The following RORA variants were observed in gnomAD, a reference collection of about 807,000 sequenced individuals.
RORA encodes the protein RAR related orphan receptor A, also known as nuclear receptor ROR-alpha.
RORA carries 7 observed loss-of-function variants against 69.5 expected under a neutral mutation model. The ratio of observed to expected loss-of-function variants is 0.10; its 90% CI spans 0.06 to 0.19. RORA has a LOEUF of 0.19. Ranked by LOEUF, RORA falls within the 10% of genes least tolerant of loss-of-function variation. The pLI is 1.00. For missense variants in RORA, 457 were observed against 663.0 expected (o/e 0.69, Z 3.41); for synonymous variants, 261 against 240.8 (o/e 1.08, Z -0.78).
chr15:60,967,682 C>T (rs539065457), intron 1 of RORA, among the ~76,000 whole-genome samples: 7 of 152,306 alleles, frequency 4.6e-5, no homozygotes, highest in Non-Finnish European at 1.0e-4. Context: ...TAAAAATATT[C>T]AGTGAGGTGC....
rs527979547 is a variant in RORA, at chr15:61,169,133, G to A, written c.166+59920C>T. Among the ~76,000 whole-genome samples, 182 of 152,146 alleles carry A rather than the reference G, an allele frequency of 1.2e-3. 1 individual carries two copies. The highest frequency in any genetic ancestry group is 4.3e-3 in the African/African-American group (179 of 41,508). ...AGGGCTGGCCTGACTCCTCTGACTG[G>A]CCCCAGGGATCCCCTAGCATATGCC... On this transcript the variant is annotated intron_variant, in intron 1 of 10. Coordinates refer to ENST00000335670, the MANE Select transcript of RORA (RefSeq NM_134261.3).
intron 1 of RORA, among the ~76,000 whole-genome samples, chr15:60,730,041 A>G (rs1424794794): frequency 6.6e-6 from 1 of 152,200 alleles, no homozygotes; most frequent in Non-Finnish European, 1.5e-5. Context: ...CGCCAGCACA[A>G]ATAAAACCAT....
chr15:60,565,627 G>A (rs2067692441), intron 2 of RORA, among the ~76,000 whole-genome samples: 1 of 152,182 alleles, frequency 6.6e-6, no homozygotes, highest in Non-Finnish European at 1.5e-5. Context: ...GCAGGCAACA[G>A]CAGCTTCCGA....
At chr15:61,145,532 A>G (rs2079338394) in intron 1 of RORA, among the ~76,000 whole-genome samples, 1 of 152,228 alleles carries the variant, frequency 6.6e-6, no homozygotes, top group South Asian at 2.1e-4. Context: ...GTAACCTCAA[A>G]TAAGTGGTAT....
chr15:60,524,773 G>A (rs1012885456), intron 3 of RORA, among the ~76,000 whole-genome samples: 2 of 152,184 alleles, frequency 1.3e-5, no homozygotes, highest in African/African-American at 4.8e-5. Context: ...ACGATATGCT[G>A]AGCACCTGCT....
chr15:60,746,755 C>T (rs917127215), intron 1 of RORA, among the ~76,000 whole-genome samples: 15 of 152,174 alleles, frequency 9.9e-5, no homozygotes, highest in African/African-American at 3.6e-4. Context: ...GATACTTCGT[C>T]TTGCATAGAC....
intron 8 of RORA, 112 bp from the exon 9 acceptor site, chr15:60,501,181 G>T: frequency 1.6e-6 from 1 of 625,568 alleles, no homozygotes; most frequent in Non-Finnish European, 2.9e-6. Flanking sequence ...GGTCTTAGGA[G>T]AAAAACATGG....
chr15:60,543,900 G>T (rs2066986264), intron 2 of RORA, among the ~76,000 whole-genome samples: 1 of 152,112 alleles, frequency 6.6e-6, no homozygotes, highest in South Asian at 2.1e-4. Context: ...TAACACAGAG[G>T]CCTAATGTGA....
chr15:60,744,110 G>A lies in RORA; in HGVS notation c.167-65424C>T, dbSNP rs184688805. 1.3e-4 allele frequency among the ~76,000 whole-genome samples: 19 copies of A among 150,068 alleles called. No individual in the cohort carries two copies. In the East Asian group the frequency reaches 3.7e-3, roughly 29 times the overall value. ...CTTTTTTTTTTTTTGAGAAGGAGGA[G>A]TGATTAAGGCAGCTGTCATATTATG... On this transcript the variant is annotated intron_variant, in intron 1 of 10. Coordinates refer to ENST00000335670, the MANE Select transcript of RORA (RefSeq NM_134261.3).
Position 60,497,464 on chromosome 15 carries a change from A to T in RORA, c.1563T>A (p.Ile521=), listed in dbSNP as rs1342147435. The change falls in exon 11 of 11, where the codon ATT becomes ATA. Residue 521 remains isoleucine, a synonymous_variant. Coordinates refer to ENST00000335670, the MANE Select transcript of RORA (RefSeq NM_134261.3). ...GCTTAGGTGATAACATTTACCCATC[A>T]ATTTGCATTGCTGGCTCAAATTCTG... ...FTSEFEPAMQ[I]DG is the part of the protein sequence containing the mutation. 1 of 1,613,936 alleles carries T rather than the reference A, an allele frequency of 6.2e-7. No homozygotes were observed. The highest frequency in any genetic ancestry group is 2.2e-5 in the East Asian group (1 of 44,860).
At chr15:61,057,265 T>C (rs952320801) in intron 1 of RORA, among the ~76,000 whole-genome samples, 2 of 152,246 alleles carry the variant, frequency 1.3e-5, no homozygotes, top group East Asian at 3.8e-4. Context: ...CACTTCATTA[T>C]ACCTGGCTTT....
intron 1 of RORA, among the ~76,000 whole-genome samples, chr15:60,683,927 C>T (rs1464446761): frequency 6.6e-6 from 1 of 152,096 alleles, no homozygotes; most frequent in African/African-American, 2.4e-5. Context: ...CCATGGTTAT[C>T]AGTAGGGAAG....
Position 60,928,659 on chromosome 15 carries a change from A to ATT in RORA, c.167-249974_167-249973insAA. Among the ~76,000 whole-genome samples the ATT allele has an allele frequency of 2.6e-5, 4 of 152,326 alleles. No homozygotes were observed. In the Middle Eastern group the frequency reaches 0.01, roughly 389 times the overall value. On this transcript the variant is annotated intron_variant, in intron 1 of 10. Coordinates refer to ENST00000335670, the MANE Select transcript of RORA (RefSeq NM_134261.3). Reference sequence around the variant, plus strand: ...TTGTCCAATTCGACTCCCTCATTTCACAAGGAAGGCATCTGAAGCTCAGAG... The same window carrying ATT: ...TTGTCCAATTCGACTCCCTCATTTCATTCAAGGAAGGCATCTGAAGCTCAGAG...
chr15:60,797,456 T>C (rs2072514552), intron 1 of RORA, among the ~76,000 whole-genome samples: 1 of 152,012 alleles, frequency 6.6e-6, no homozygotes, highest in Non-Finnish European at 1.5e-5. Flanking sequence ...TCCTAATAAG[T>C]CCCAAGAAGC....
chr15:60,792,239 A>G (rs2072427955), intron 1 of RORA, among the ~76,000 whole-genome samples: 1 of 152,184 alleles, frequency 6.6e-6, no homozygotes, highest in African/African-American at 2.4e-5. Flanking sequence ...GAATTAATAG[A>G]AAGTATTCAA....
intron 1 of RORA, among the ~76,000 whole-genome samples, chr15:60,873,574 GACA>G: frequency 6.6e-6 from 1 of 152,212 alleles, no homozygotes; most frequent in East Asian, 1.9e-4. Context: ...TAATGAGAAT[GACA>G]ACATTTTATG....
chr15:61,211,615 T>G (rs2079992618), intron 1 of RORA, among the ~76,000 whole-genome samples: 1 of 152,202 alleles, frequency 6.6e-6, no homozygotes, highest in South Asian at 2.1e-4. Context: ...AGTGAAATAT[T>G]GACAGGGAAA....
intron 1 of RORA, among the ~76,000 whole-genome samples, chr15:61,132,086 A>G (rs2079194814): frequency 6.6e-6 from 1 of 152,232 alleles, no homozygotes; most frequent in South Asian, 2.1e-4. Context: ...GTCTTTTAAA[A>G]AAGGAGGAAT....
At chr15:60,761,028 AGGGAGGGGT>A in intron 1 of RORA, among the ~76,000 whole-genome samples, 1 of 152,118 alleles carries the variant, frequency 6.6e-6, no homozygotes, top group South Asian at 2.1e-4. Flanking sequence ...TTTTGGGCAC[AGGGAGGGGT>A]GGGAATATGA....
Sources: gnomAD v4.1 joint callset for allele counts (sites outside exome capture counted in the v4.1 genomes callset) on GRCh38, gnomAD v4.1.1 for gene constraint, MANE v1.5 for transcripts, NCBI Gene and HGNC (gene_info 2026-07-23, HGNC 2026-07-21) for gene names.